AGAP1: variants seen among roughly 807,000 people sequenced by gnomAD.
AGAP1 encodes the protein ArfGAP with GTPase domain, ankyrin repeat and PH domain 1, also known as arf-GAP with GTPase, ANK repeat and PH domain-containing protein 1.
A neutral mutation model predicts 105.3 loss-of-function variants in AGAP1; 29 were observed. The observed-to-expected ratio is 0.28, with a 90% CI of 0.21 to 0.38. AGAP1 has a LOEUF of 0.38. AGAP1 is among the 10% of genes least tolerant of loss of function. The probability of loss-of-function intolerance (pLI) is 1.00; values close to 1 mark genes in which losing one functional copy is unlikely to be tolerated. For missense variants in AGAP1, 998 were observed against 1,165.1 expected (o/e 0.86, Z 2.09); for synonymous variants, 509 against 485.9 (o/e 1.05, Z -0.63).
At chr2:236,099,869 G>A (rs144409857) in intron 16 of AGAP1, among the ~76,000 whole-genome samples, 359 of 152,050 alleles carry the variant, frequency 2.4e-3, no homozygotes, top group African/African-American at 8.1e-3. Flanking sequence ...GTGAAACCCC[G>A]TCTCTACTAA....
rs532483314 is a variant in AGAP1 at position 235,855,061 on chromosome 2, G to A, written c.1051-28284G>A. 2.4e-4 allele frequency among the ~76,000 whole-genome samples: 36 copies of A among 152,344 alleles called. 1 individual carries two copies. The South Asian group carries it at 7.5e-3, about 32-fold the overall frequency. ...AATGCCAGTTATTTTAAACTAGGGT[G>A]ACTAATGGACCCTTATTTCGTGAAG... On this transcript the variant is annotated intron_variant, in intron 9 of 17. Coordinates refer to ENST00000304032, the MANE Select transcript of AGAP1 (RefSeq NM_001037131.3). The surrounding 1 kb of genome is among the most constrained non-coding windows in gnomAD (Gnocchi z 5.0).
rs960479064 is a variant in AGAP1 at position 235,550,220 on chromosome 2, C to T, written c.163+55371C>T. ...ATTATCACCGAGCACACAGGCAGCCCGAGGCACCTCCTCGTCACAGTGTTC... is the reference window on the plus strand; with the variant it reads ...ATTATCACCGAGCACACAGGCAGCCTGAGGCACCTCCTCGTCACAGTGTTC... On this transcript the variant is annotated intron_variant, in intron 1 of 17. Coordinates refer to ENST00000304032, the MANE Select transcript of AGAP1 (RefSeq NM_001037131.3). This position sits in a 1 kb window ranked among gnomAD's most constrained non-coding sequence, Gnocchi z 4.6. Among the ~76,000 whole-genome samples the T allele has an allele frequency of 9.2e-5, 14 of 152,270 alleles. No homozygotes were observed. The highest frequency in any genetic ancestry group is 2.1e-4 in the South Asian group (1 of 4,824).
chr2:235,903,138 T>A (rs1460578794), intron 10 of AGAP1, among the ~76,000 whole-genome samples: 1 of 152,108 alleles, frequency 6.6e-6, no homozygotes, highest in Non-Finnish European at 1.5e-5. Flanking sequence ...GTATTATATA[T>A]TAATATAAAA....
rs1318442188 is a variant in AGAP1, at chr2:235,721,907, A to G, written c.310+4263A>G. ...CATTTTAGCTCCATCCCAGAGGGTA[A>G]CATCTGCTGTCTTAATTGTGTGATG... On this transcript the variant is annotated intron_variant, in intron 3 of 17. Transcript: ENST00000304032. This position sits in a 1 kb window ranked among gnomAD's most constrained non-coding sequence, Gnocchi z 4.5. Among the ~76,000 whole-genome samples, 1 of 152,046 alleles carries G rather than the reference A, an allele frequency of 6.6e-6. No individual in the cohort carries two copies. Among genetic ancestry groups the G allele is most frequent in the Admixed American group, 6.5e-5 (1 of 15,282 alleles).
intron 10 of AGAP1, among the ~76,000 whole-genome samples, chr2:235,902,291 A>C (rs1364710447): frequency 6.6e-6 from 1 of 152,210 alleles, no homozygotes; most frequent in Admixed American, 6.5e-5. Context: ...CACTTCACCA[A>C]AACTCAACAT....
chr2:236,110,496 C>T (rs1336031035), intron 16 of AGAP1, among the ~76,000 whole-genome samples: 3 of 151,974 alleles, frequency 2.0e-5, no homozygotes, highest in African/African-American at 7.3e-5. Flanking sequence ...CCGGGAGTTC[C>T]AGACTGCAGT....
intron 13 of AGAP1, among the ~76,000 whole-genome samples, chr2:235,985,105 C>T (rs368546200): frequency 6.6e-6 from 1 of 152,192 alleles, no homozygotes. Context: ...CGTAGCCTCA[C>T]CAGCATCTTT....
Position 235,783,935 on chromosome 2 carries a change from C to G in AGAP1, c.674-13824C>G, listed in dbSNP as rs117981802. On this transcript the variant is annotated intron_variant, in intron 6 of 17. Coordinates refer to ENST00000304032, the MANE Select transcript of AGAP1 (RefSeq NM_001037131.3). ...TGTGGGAGTGAACTGATGCCTGCAC[C>G]GTAGTTGAATTGCATCAGAAAATGA... Among the ~76,000 whole-genome samples, 4 of 152,076 alleles carry G rather than the reference C, an allele frequency of 2.6e-5. No individual in the cohort carries two copies. In the East Asian group the frequency reaches 7.7e-4, roughly 29 times the overall value.
rs1317327615 is a variant in AGAP1, at chr2:235,631,575, A to G, written c.164-77604A>G. ...TGAGGGCACCCTTCCTAGAGGACCTATTTCCTCTTGGTGCTCTTCTGCTTT... is the reference window on the plus strand; with the variant it reads ...TGAGGGCACCCTTCCTAGAGGACCTGTTTCCTCTTGGTGCTCTTCTGCTTT... On this transcript the variant is annotated intron_variant, in intron 1 of 17. Transcript: ENST00000304032. The surrounding 1 kb of genome is among the most constrained non-coding windows in gnomAD (Gnocchi z 5.4). Among the ~76,000 whole-genome samples, 2 of 152,046 alleles carry G rather than the reference A, an allele frequency of 1.3e-5. No individual in the cohort carries two copies. Among genetic ancestry groups the G allele is most frequent in the African/African-American group, 2.4e-5 (1 of 41,412 alleles).
intron 6 of AGAP1, among the ~76,000 whole-genome samples, chr2:235,780,743 T>G (rs1294899246): frequency 6.6e-6 from 1 of 152,176 alleles, no homozygotes; most frequent in Non-Finnish European, 1.5e-5. Context: ...AAAGGAAAAC[T>G]TTTAGATTTG....
Position 235,739,699 on chromosome 2 carries a change from C to T in AGAP1, c.311-1264C>T, listed in dbSNP as rs142808796. Among the ~76,000 whole-genome samples, 3 of 152,354 alleles carry T rather than the reference C, an allele frequency of 2.0e-5. No individual in the cohort carries two copies. Among genetic ancestry groups the T allele is most frequent in the African/African-American group, 7.2e-5 (3 of 41,588 alleles). On this transcript the variant is annotated intron_variant, in intron 3 of 17. Coordinates refer to ENST00000304032, the MANE Select transcript of AGAP1 (RefSeq NM_001037131.3). This position sits in a 1 kb window ranked among gnomAD's most constrained non-coding sequence, Gnocchi z 5.3. ...GCAGGAGCTCGCGGGAACGGGCCAA[C>T]GCCCCACTGCCCCAGTCAGCCCTCT...
chr2:235,865,022 T>A lies in AGAP1; in HGVS notation c.1051-18323T>A, dbSNP rs931289232. 2.0e-5 allele frequency among the ~76,000 whole-genome samples: 3 copies of A among 152,202 alleles called. No homozygotes were observed. Among genetic ancestry groups the A allele is most frequent in the African/African-American group, 7.2e-5 (3 of 41,442 alleles). ...TTTTTATTTCTTTCCCTGTCATTGT[T>A]CTTGGTCTTGTTATTCAGTGGACGC... On this transcript the variant is annotated intron_variant, in intron 9 of 17. Coordinates refer to ENST00000304032, the MANE Select transcript of AGAP1 (RefSeq NM_001037131.3). The surrounding 1 kb of genome is among the most constrained non-coding windows in gnomAD (Gnocchi z 6.2).
intron 13 of AGAP1, among the ~76,000 whole-genome samples, chr2:236,029,092 C>T (rs2057142417): frequency 6.6e-6 from 1 of 152,132 alleles, no homozygotes. Flanking sequence ...ACTCCCATGT[C>T]CTCACCGCTA....
At chr2:235,790,617 C>A (rs1956918588) in intron 6 of AGAP1, among the ~76,000 whole-genome samples, 1 of 152,220 alleles carries the variant, frequency 6.6e-6, no homozygotes, top group Non-Finnish European at 1.5e-5. Context: ...TTCACACTTG[C>A]CACTCTTCTC....
chr2:235,779,594 C>T (rs1035595843), intron 6 of AGAP1, among the ~76,000 whole-genome samples: 4 of 152,160 alleles, frequency 2.6e-5, no homozygotes, highest in Non-Finnish European at 2.9e-5. Flanking sequence ...CTTGGAAAAG[C>T]GGAGGCCACT....
rs933739006 is a variant in AGAP1, at chr2:235,751,724, G to A, written c.673+1236G>A. On this transcript the variant is annotated intron_variant, in intron 6 of 17. Coordinates refer to ENST00000304032, the MANE Select transcript of AGAP1 (RefSeq NM_001037131.3). The surrounding 1 kb of genome is among the most constrained non-coding windows in gnomAD (Gnocchi z 5.3). The stretch of plus-strand genomic sequence containing the variant: ...TTCTAAGCCTGCCGTCTCTTCCCGC[G>A]CATCTCTGCCTCTCAGATACTTACC... Among the ~76,000 whole-genome samples, 2 of 152,136 alleles carry A rather than the reference G, an allele frequency of 1.3e-5. No individual in the cohort carries two copies. The highest frequency in any genetic ancestry group is 1.3e-4 in the Admixed American group (2 of 15,270).
intron 1 of AGAP1, among the ~76,000 whole-genome samples, chr2:235,654,348 C>T (rs1947705220): frequency 1.3e-5 from 2 of 152,134 alleles, no homozygotes; most frequent in South Asian, 2.1e-4. Context: ...TCTTCACTGC[C>T]ATGGTATTTC....
Position 235,865,682 on chromosome 2 carries a change from A to G in AGAP1, c.1051-17663A>G, listed in dbSNP as rs2049135261. The stretch of plus-strand genomic sequence containing the variant: ...CTCTGGAGGAGGGGCAGGGCGGGAA[A>G]TATTACTATTTTAAAAAGCTCAGTT... On this transcript the variant is annotated intron_variant, in intron 9 of 17. Transcript: ENST00000304032. The surrounding 1 kb of genome is among the most constrained non-coding windows in gnomAD (Gnocchi z 6.2). Among the ~76,000 whole-genome samples the G allele has an allele frequency of 6.6e-6, 1 of 152,140 alleles. No homozygotes were observed. The highest frequency in any genetic ancestry group is 2.4e-5 in the African/African-American group (1 of 41,434).
At chr2:235,707,472 A>ATCCCCCC (rs1950593577) in intron 1 of AGAP1, among the ~76,000 whole-genome samples, 1 of 22,408 alleles carries the variant, frequency 4.5e-5, no homozygotes, top group Non-Finnish European at 1.3e-4. Context: ...CCTCCCCATG[A>ATCCCCCC]CCCCCCCCCC....
Sources: allele counts gnomAD v4.1 joint callset (sites outside exome capture counted in the v4.1 genomes callset), GRCh38; gene constraint gnomAD v4.1.1; non-coding constraint Gnocchi (gnomAD v3.1); transcripts MANE v1.5; gene names NCBI Gene and HGNC (gene_info 2026-07-23, HGNC 2026-07-21).